Variants in ADAMTS12 observed in about 807,000 individuals in gnomAD.
ADAMTS12 encodes ADAM metallopeptidase with thrombospondin type 1 motif 12, also known as A disintegrin and metalloproteinase with thrombospondin motifs 12.
ADAMTS12 carries 118 observed loss-of-function variants against 167.8 expected under a neutral mutation model. That is an observed-to-expected ratio of 0.70 (90% confidence interval 0.61 to 0.82). The LOEUF (loss-of-function observed/expected upper bound fraction) is 0.82. ADAMTS12 is among the 40% of genes least tolerant of loss of function. The pLI is 0.00. For missense variants in ADAMTS12, 1,916 were observed against 1,998.8 expected (o/e 0.96, Z 0.79); for synonymous variants, 704 against 716.9 (o/e 0.98, Z 0.29).
At chr5:33,855,855 T>A (rs910026084) in intron 2 of ADAMTS12, among the ~76,000 whole-genome samples, 2 of 152,294 alleles carry the variant, frequency 1.3e-5, no homozygotes, top group African/African-American at 4.8e-5. Flanking sequence ...ACCTCCGACG[T>A]AGTTGGGACT....
chr5:33,604,179 C>G (rs576468504), intron 16 of ADAMTS12, among the ~76,000 whole-genome samples: 1 of 152,202 alleles, frequency 6.6e-6, no homozygotes, highest in African/African-American at 2.4e-5. Context: ...ATATCAGATT[C>G]AACACTCGTT....
intron 14 of ADAMTS12, among the ~76,000 whole-genome samples, chr5:33,617,936 G>C (rs1031985606): frequency 2.6e-5 from 4 of 152,142 alleles, no homozygotes; most frequent in African/African-American, 4.8e-5. Context: ...GATAAAAGAA[G>C]GACCAGTAAG....
chr5:33,715,643 T>G (rs1015761406), intron 3 of ADAMTS12, among the ~76,000 whole-genome samples: 1 of 152,164 alleles, frequency 6.6e-6, no homozygotes, highest in African/African-American at 2.4e-5. Flanking sequence ...GTAGATTTAC[T>G]GCACTCTACA....
intron 2 of ADAMTS12, among the ~76,000 whole-genome samples, chr5:33,761,781 T>C (rs908274656): frequency 6.6e-6 from 1 of 152,228 alleles, no homozygotes; most frequent in Non-Finnish European, 1.5e-5. Flanking sequence ...AACTGTAGTA[T>C]TTTTTGGCTG....
At chr5:33,615,054 T>C (rs1212128426) in intron 15 of ADAMTS12, among the ~76,000 whole-genome samples, 2 of 152,232 alleles carry the variant, frequency 1.3e-5, no homozygotes, top group Non-Finnish European at 2.9e-5. Flanking sequence ...TTCCCTCTCA[T>C]GCAGGCAATC....
chr5:33,855,114 T>C (rs1374976245), intron 2 of ADAMTS12, among the ~76,000 whole-genome samples: 3 of 152,226 alleles, frequency 2.0e-5, no homozygotes, highest in Non-Finnish European at 4.4e-5. Context: ...TTAGACAGCA[T>C]TCAAGAACAA....
chr5:33,630,742 T>A (rs777271794), intron 13 of ADAMTS12, 38 bp downstream of exon 13: 1 of 1,577,096 alleles, frequency 6.3e-7, no homozygotes, highest in Admixed American at 1.7e-5. Flanking sequence ...AAAGTCATGA[T>A]TTTATAAAGT....
At chr5:33,620,249 C>T (rs1739248701) in intron 14 of ADAMTS12, among the ~76,000 whole-genome samples, 1 of 152,190 alleles carries the variant, frequency 6.6e-6, no homozygotes, top group African/African-American at 2.4e-5. Flanking sequence ...CAACTTTTTC[C>T]TGTAATGTCA....
At chr5:33,877,047 T>A (rs557716422) in intron 2 of ADAMTS12, among the ~76,000 whole-genome samples, 1 of 152,220 alleles carries the variant, frequency 6.6e-6, no homozygotes, top group East Asian at 1.9e-4. Context: ...AACTTAAGGC[T>A]GGAGAGTGGA....
At chr5:33,737,257 C>T (rs769659623) in intron 3 of ADAMTS12, among the ~76,000 whole-genome samples, 3 of 152,182 alleles carry the variant, frequency 2.0e-5, no homozygotes, top group Non-Finnish European at 4.4e-5. Flanking sequence ...AGGATCATCT[C>T]GAAAGGTGGT....
chr5:33,855,581 G>A (rs1399300225), intron 2 of ADAMTS12, among the ~76,000 whole-genome samples: 1 of 151,740 alleles, frequency 6.6e-6, no homozygotes, highest in African/African-American at 2.4e-5. Flanking sequence ...ACAGGGAAAC[G>A]AGTCATGTTT....
chr5:33,841,161 A>G (rs1390757160), intron 2 of ADAMTS12, among the ~76,000 whole-genome samples: 2 of 152,130 alleles, frequency 1.3e-5, no homozygotes, highest in Non-Finnish European at 2.9e-5. Context: ...TCAGGCTTCA[A>G]TAGCCACAGC....
At chr5:33,775,313 T>C (rs1031959200) in intron 2 of ADAMTS12, among the ~76,000 whole-genome samples, 2 of 152,092 alleles carry the variant, frequency 1.3e-5, no homozygotes, top group African/African-American at 2.4e-5. Flanking sequence ...CATAAGAGAA[T>C]AGGATTTCTG....
At chr5:33,574,130 C>G (rs1208355896) in intron 19 of ADAMTS12, among the ~76,000 whole-genome samples, 2 of 151,310 alleles carry the variant, frequency 1.3e-5, no homozygotes, top group South Asian at 4.2e-4. Flanking sequence ...GAAATAGGAA[C>G]ACTTTTACAC....
At chr5:33,588,547 G>A in intron 18 of ADAMTS12, 52 bp downstream of exon 18, 1 of 1,591,798 alleles carries the variant, frequency 6.3e-7, no homozygotes, top group East Asian at 2.2e-5. Flanking sequence ...AGGAAGGCAG[G>A]GGCTGATGAA....
intron 2 of ADAMTS12, among the ~76,000 whole-genome samples, chr5:33,873,224 T>G (rs373954748): frequency 6.7e-6 from 1 of 149,970 alleles, no homozygotes; most frequent in African/African-American, 2.4e-5. Context: ...GTACCCAGCC[T>G]TGAAGGACAC....
chr5:33,683,641 A>G (rs1742214365), intron 4 of ADAMTS12, among the ~76,000 whole-genome samples: 1 of 152,206 alleles, frequency 6.6e-6, no homozygotes, highest in African/African-American at 2.4e-5. Flanking sequence ...TGTAACTAAT[A>G]AATTATAAAA....
At chr5:33,641,291 CT>C (rs1219901161) in intron 11 of ADAMTS12, among the ~76,000 whole-genome samples, 1 of 152,132 alleles carries the variant, frequency 6.6e-6, no homozygotes, top group Non-Finnish European at 1.5e-5. Flanking sequence ...CACTGCGGAA[CT>C]TTAGGGTTTA....
intron 22 of ADAMTS12, among the ~76,000 whole-genome samples, chr5:33,537,396 T>C (rs1390229828): frequency 6.6e-6 from 1 of 152,230 alleles, no homozygotes; most frequent in African/African-American, 2.4e-5. Context: ...ACTGTAGGAC[T>C]GCTCCCTACT....
Sources: gnomAD v4.1 joint callset for allele counts (sites outside exome capture counted in the v4.1 genomes callset) on GRCh38, gnomAD v4.1.1 for gene constraint, MANE v1.5 for transcripts, NCBI Gene and HGNC (gene_info 2026-07-23, HGNC 2026-07-21) for gene names.